Variants in CAMKMT observed in about 807,000 individuals in gnomAD.
The protein encoded by CAMKMT is calmodulin-lysine N-methyltransferase.
In CAMKMT, 53 loss-of-function variants were observed where a neutral mutation model predicts 48.0. The ratio of observed to expected loss-of-function variants is 1.10; its 90% CI spans 0.89 to 1.39. The LOEUF (loss-of-function observed/expected upper bound fraction) is 1.39, where lower values mean the gene tolerates loss of function less well. Ranked by LOEUF, CAMKMT falls within the 40% of genes most tolerant of loss-of-function variation. The pLI is 0.00. For synonymous variants in CAMKMT, 165 were observed against 152.3 expected (o/e 1.08, Z -0.61); for missense variants, 428 against 402.7 (o/e 1.06, Z -0.54).
chr2:44,407,041 G>T (rs977595961), intron 3 of CAMKMT, among the ~76,000 whole-genome samples: 33 of 152,300 alleles, frequency 2.2e-4, no homozygotes, highest in African/African-American at 7.7e-4. Context: ...TAAGATTCAT[G>T]CCCAAAAGTG....
chr2:44,445,245 A>T (rs1360633170), intron 3 of CAMKMT, among the ~76,000 whole-genome samples: 1 of 152,186 alleles, frequency 6.6e-6, no homozygotes, highest in African/African-American at 2.4e-5. Context: ...TTTGGCACCC[A>T]TGAGTGGCAC....
At chr2:44,729,421 C>T (rs879875973) in intron 7 of CAMKMT, among the ~76,000 whole-genome samples, 1 of 152,128 alleles carries the variant, frequency 6.6e-6, no homozygotes, top group Non-Finnish European at 1.5e-5. Flanking sequence ...TAAGAAGGGA[C>T]TGGAGAGCAA....
At chr2:44,509,663 T>C (rs1193955464) in intron 3 of CAMKMT, among the ~76,000 whole-genome samples, 2 of 152,250 alleles carry the variant, frequency 1.3e-5, no homozygotes, top group East Asian at 3.9e-4. Flanking sequence ...GGTATGGCAG[T>C]GTTGGGAGGT....
At chr2:44,765,352 C>T (rs1301197371) in intron 9 of CAMKMT, among the ~76,000 whole-genome samples, 2 of 152,136 alleles carry the variant, frequency 1.3e-5, no homozygotes, top group Non-Finnish European at 2.9e-5. Flanking sequence ...GAATGCCTAG[C>T]ACAGTGTCTG....
At chr2:44,645,919 G>T (rs1025400572) in intron 3 of CAMKMT, among the ~76,000 whole-genome samples, 1 of 152,162 alleles carries the variant, frequency 6.6e-6, no homozygotes, top group African/African-American at 2.4e-5. Context: ...CTACTGAAGG[G>T]CCAGAAAAAG....
intron 3 of CAMKMT, among the ~76,000 whole-genome samples, chr2:44,398,053 TTGTC>T (rs1446361328): frequency 6.6e-6 from 1 of 152,212 alleles, no homozygotes; most frequent in African/African-American, 2.4e-5. Flanking sequence ...TAGTTTTCCT[TTGTC>T]TGTCTTTTAA....
intron 2 of CAMKMT, among the ~76,000 whole-genome samples, chr2:44,384,228 A>C (rs1680545183): frequency 6.6e-6 from 1 of 152,070 alleles, no homozygotes. Flanking sequence ...ATCACTAGTG[A>C]TGTTGAGCAT....
rs891969027 is a variant in CAMKMT at position 44,559,022 on chromosome 2, ATCTG to A, written c.377-145257_377-145254del. Among the ~76,000 whole-genome samples, 375 of 152,232 alleles carry A rather than the reference ATCTG, an allele frequency of 2.5e-3. 3 individuals carry two copies. Among genetic ancestry groups the A allele is most frequent in the African/African-American group, 8.6e-3 (359 of 41,518 alleles). On this transcript the variant is annotated intron_variant, in intron 3 of 10. Coordinates refer to ENST00000378494, the MANE Select transcript of CAMKMT (RefSeq NM_024766.5). ...ATAGATAGATAAACAGACAGACATT[ATCTG>A]TCTATCTAACTATCTATCTATCATC...
rs973876242 is a variant in CAMKMT, at chr2:44,587,524, G to C, written c.377-116759G>C. Among the ~76,000 whole-genome samples the C allele has an allele frequency of 7.8e-5, 10 of 129,006 alleles. No homozygotes were observed. The East Asian group carries it at 2.3e-3, about 30-fold the overall frequency. The allele number at this position is 129,006 out of a possible 152,430, so 84.6% of individuals were successfully genotyped here. ...CCTTCCACGGTCTCCCTCTGATGCC[G>C]AGCCAAAGCTGGACGGTACTGCTGC... On this transcript the variant is annotated intron_variant, in intron 3 of 10. Coordinates refer to ENST00000378494, the MANE Select transcript of CAMKMT (RefSeq NM_024766.5).
chr2:44,647,122 C>CTATG (rs1307089393), intron 3 of CAMKMT, among the ~76,000 whole-genome samples: 2 of 152,090 alleles, frequency 1.3e-5, no homozygotes, highest in African/African-American at 2.4e-5. Flanking sequence ...CATGGTGAAA[C>CTATG]TATGTTACTA....
At chr2:44,396,544 G>A (rs1681858737) in intron 3 of CAMKMT, among the ~76,000 whole-genome samples, 1 of 152,062 alleles carries the variant, frequency 6.6e-6, no homozygotes. Context: ...ATTTTTAAAA[G>A]TGAGATAATT....
chr2:44,614,936 CTTTTTTTTTTTT>C lies in CAMKMT; in HGVS notation c.377-89334_377-89323del, dbSNP rs3083440. 1.4e-4 allele frequency among the ~76,000 whole-genome samples: 7 copies of C among 48,990 alleles called. 1 individual carries two copies. The highest frequency in any genetic ancestry group is 2.0e-4 in the Non-Finnish European group (6 of 29,970). 32.1% of individuals were successfully genotyped at this position (48,990 alleles called of 152,430 possible). A position where few individuals can be genotyped will look rare whatever the true frequency, so the allele number is the denominator to read the frequency against. On this transcript the variant is annotated intron_variant, in intron 3 of 10. Coordinates refer to ENST00000378494, the MANE Select transcript of CAMKMT (RefSeq NM_024766.5). ...TCTAACCAGCTCTTTGGTCTCCTTG[CTTTTTTTTTTTT>C]TTTTTTTTTTTTGAGACAGGGTCTT...
chr2:44,746,058 C>A (rs1051400644), intron 8 of CAMKMT, among the ~76,000 whole-genome samples: 5 of 152,164 alleles, frequency 3.3e-5, no homozygotes, highest in African/African-American at 4.8e-5. Context: ...AACCTGAAAT[C>A]CTCAGTGTCA....
chr2:44,382,088 C>A (rs1181221406), intron 2 of CAMKMT, among the ~76,000 whole-genome samples: 1 of 151,792 alleles, frequency 6.6e-6, no homozygotes, highest in African/African-American at 2.4e-5. Context: ...ATTACAGACG[C>A]CTGCCACTAC....
intron 1 of CAMKMT, among the ~76,000 whole-genome samples, chr2:44,368,860 T>A (rs530395350): frequency 6.6e-6 from 1 of 152,342 alleles, no homozygotes; most frequent in East Asian, 1.9e-4. Flanking sequence ...CAGACTATAA[T>A]AAGACCCTGT....
intron 3 of CAMKMT, among the ~76,000 whole-genome samples, chr2:44,497,114 G>A (rs1176554384): frequency 6.6e-6 from 1 of 152,136 alleles, no homozygotes; most frequent in Non-Finnish European, 1.5e-5. Context: ...GGCAAATGTA[G>A]TTTTAAAGGC....
intron 3 of CAMKMT, among the ~76,000 whole-genome samples, chr2:44,645,443 A>C (rs1673679887): frequency 6.6e-6 from 1 of 152,200 alleles, no homozygotes; most frequent in African/African-American, 2.4e-5. Flanking sequence ...CCTGGGCTCT[A>C]GGAAGTTTTG....
At chr2:44,589,895 A>AAAAAAAAAAAAAC in intron 3 of CAMKMT, among the ~76,000 whole-genome samples, 1 of 81,984 alleles carries the variant, frequency 1.2e-5, no homozygotes, top group East Asian at 2.2e-4. Flanking sequence ...AAAAAAAAAA[A>AAAAAAAAAAAAAC]GAAAAAAAAA....
intron 3 of CAMKMT, among the ~76,000 whole-genome samples, chr2:44,498,955 T>C (rs1669884338): frequency 1.3e-5 from 2 of 152,188 alleles, no homozygotes; most frequent in Admixed American, 1.3e-4. Context: ...TATAAACAGA[T>C]ATCTCCCATT....
Sources: gnomAD v4.1 joint callset for allele counts (sites outside exome capture counted in the v4.1 genomes callset) on GRCh38, gnomAD v4.1.1 for gene constraint, MANE v1.5 for transcripts, NCBI Gene and HGNC (gene_info 2026-07-23, HGNC 2026-07-21) for gene names.